PPP1R21: variants seen among roughly 807,000 people sequenced by gnomAD.
The protein encoded by PPP1R21 is KLRAQ motif containing 1.
In PPP1R21, 85 loss-of-function variants were observed where a neutral mutation model predicts 112.8. The ratio of observed to expected loss-of-function variants is 0.75; its 90% CI spans 0.63 to 0.90. PPP1R21 has a LOEUF of 0.90. Among genes scored for constraint, PPP1R21 ranks in the 40% least tolerant of loss-of-function variants. The pLI is 0.00. For synonymous variants in PPP1R21, 381 were observed against 322.3 expected (o/e 1.18, Z -1.95); for missense variants, 1,199 against 901.5 (o/e 1.33, Z -4.23).
At chr2:48,513,142 T>C (rs1021148897) in intron 21 of PPP1R21, among the ~76,000 whole-genome samples, 1 of 152,130 alleles carries the variant, frequency 6.6e-6, no homozygotes, top group Non-Finnish European at 1.5e-5. Context: ...ACAGCAAAGC[T>C]CATTGTCCTG....
chr2:48,465,576 A>G lies in PPP1R21; in HGVS notation c.831A>G (p.Thr277=). ...VTALLNFHTY[T]EQRIQIFPVD... ...CTCTTCTAAACTTTCATACCTACAC[A>G]GAACAGAGGATTCAAATTTTTCCTG... is the stretch of plus-strand genomic sequence containing the variant. Residue 277 remains threonine, a synonymous_variant, in exon 9 of 22, where the codon ACA becomes ACG. Transcript: ENST00000294952. The G allele has an allele frequency of 1.9e-6, 3 of 1,614,008 alleles. No individual in the cohort carries two copies. Among genetic ancestry groups the G allele is most frequent in the Non-Finnish European group, 2.5e-6 (3 of 1,179,918 alleles).
At chr2:48,454,793 C>A (rs1294638923) in intron 3 of PPP1R21, 52 bp downstream of exon 3, 5 of 1,375,382 alleles carry the variant, frequency 3.6e-6, no homozygotes, top group Admixed American at 3.5e-5. Flanking sequence ...GTTACTGACA[C>A]CTACAGGGCA....
At position 48,440,826 on chromosome 2, in the gene PPP1R21, C is replaced by A; in HGVS notation, c.-128C>A. On this transcript the variant is annotated 5_prime_UTR_variant, in exon 1 of 22. Transcript: ENST00000294952. ...GGAGGAGGAGGCGCGGCGGCGGCGGCGGCGGCGGCTGCGGTGGCCAAGCAG... is the reference window on the plus strand; with the variant it reads ...GGAGGAGGAGGCGCGGCGGCGGCGGAGGCGGCGGCTGCGGTGGCCAAGCAG... 1.5e-6 allele frequency: 1 copy of A among 681,846 alleles called. No homozygotes were observed. The highest frequency in any genetic ancestry group is 2.5e-6 in the Non-Finnish European group (1 of 395,702). 42.2% of individuals were successfully genotyped at this position (681,846 alleles called of 1,614,324 possible). A position where few individuals can be genotyped will look rare whatever the true frequency, so the allele number is the denominator to read the frequency against.
At chr2:48,491,251 T>G (rs1401740439) in intron 15 of PPP1R21, 81 bp downstream of exon 15, 4 of 1,469,264 alleles carry the variant, frequency 2.7e-6, no homozygotes, top group Admixed American at 4.2e-5. Flanking sequence ...TTTCTGCAGT[T>G]TATATTGTTG....
intron 18 of PPP1R21, among the ~76,000 whole-genome samples, chr2:48,506,632 A>G (rs948491543): frequency 4.6e-5 from 7 of 152,270 alleles, no homozygotes; most frequent in African/African-American, 1.4e-4. Flanking sequence ...CAAACTGTTC[A>G]ATATAGAAAT....
intron 1 of PPP1R21, among the ~76,000 whole-genome samples, chr2:48,448,940 C>G (rs1387363612): frequency 6.6e-6 from 1 of 151,896 alleles, no homozygotes; most frequent in Non-Finnish European, 1.5e-5. Context: ...TGGCTATGTT[C>G]CAATAAAACT....
chr2:48,462,011 C>T lies in PPP1R21; in HGVS notation c.694+779C>T, dbSNP rs534681961. Among the ~76,000 whole-genome samples the T allele has an allele frequency of 3.3e-5, 5 of 152,180 alleles. No individual in the cohort carries two copies. In the South Asian group the frequency reaches 1.0e-3, roughly 32 times the overall value. On this transcript the variant is annotated intron_variant, in intron 7 of 21. Coordinates refer to ENST00000294952, the MANE Select transcript of PPP1R21 (RefSeq NM_001135629.3). ...TTATTGTATCAAAAATTTAAATTCC[C>T]CTTTGAAAATAACACCTGCTTCTAG...
intron 13 of PPP1R21, among the ~76,000 whole-genome samples, chr2:48,482,329 T>C (rs1669050856): frequency 1.3e-5 from 2 of 152,174 alleles, no homozygotes; most frequent in African/African-American, 4.8e-5. Context: ...GGGTGATTTA[T>C]TGGGGTATCT....
Position 48,454,728 on chromosome 2 carries a change from G to A in PPP1R21, c.260G>A (p.Gly87Asp), listed in dbSNP as rs1667640022. 1 of 1,613,904 alleles carries A rather than the reference G, an allele frequency of 6.2e-7. No individual in the cohort carries two copies. The highest frequency in any genetic ancestry group is 8.5e-7 in the Non-Finnish European group (1 of 1,179,824). Residue 87 changes from glycine to aspartate, a missense_variant, in exon 3 of 22, where the codon GGC becomes GAC. Physicochemically the swap from Gly to Asp is moderately conservative, Grantham distance 94 (BLOSUM62 -1). Transcript: ENST00000294952. The part of the protein sequence containing the change: ...QDELALSEPR[G>D]KKNKKSGESS... ...GAACTAGCTCTAAGTGAACCACGAG[G>A]CAAGAAAAACAAGGTAGGTTCAAAT...
At chr2:48,465,377 A>T in intron 8 of PPP1R21, 116 bp from the exon 9 acceptor site, 1 of 987,876 alleles carries the variant, frequency 1.0e-6, no homozygotes, top group Non-Finnish European at 1.4e-6. Context: ...AGATGAATTT[A>T]AAGTAAGGAA....
chr2:48,464,938 A>G lies in PPP1R21; in HGVS notation c.696A>G (p.Lys232=). 3 of 1,566,146 alleles carry G rather than the reference A, an allele frequency of 1.9e-6. No homozygotes were observed. Among genetic ancestry groups the G allele is most frequent in the Non-Finnish European group, 2.6e-6 (3 of 1,164,726 alleles). Residue 232 remains lysine, a splice_region_variant and synonymous_variant, in exon 8 of 22, where the codon AAA becomes AAG. Coordinates refer to ENST00000294952, the MANE Select transcript of PPP1R21 (RefSeq NM_001135629.3). ...ATGTACATTATTTTTCTTCTGTAGA[A>G]TATAGTCAGTACAACGCTCTGAACG... ...INEKVPFNDT[K]YSQYNALNVP...
intron 17 of PPP1R21, among the ~76,000 whole-genome samples, chr2:48,503,671 G>A (rs1238188672): frequency 1.3e-5 from 2 of 152,116 alleles, no homozygotes; most frequent in African/African-American, 4.8e-5. Flanking sequence ...TGCATTGTCG[G>A]GCGCGGTGGC....
Position 48,479,888 on chromosome 2 carries a change from A to C in PPP1R21, c.1226-36A>C, listed in dbSNP as rs1272245327. On this transcript the variant is annotated intron_variant, in intron 12 of 21. Transcript: ENST00000294952. Reference sequence around the variant, plus strand: ...GGATACAATGGGCAGTCCATTTTTCAGGAAAATGCTTAGATTTGTGATTTT... The same window carrying C: ...GGATACAATGGGCAGTCCATTTTTCCGGAAAATGCTTAGATTTGTGATTTT... 10 of 1,321,640 alleles carry C rather than the reference A, an allele frequency of 7.6e-6. No individual in the cohort carries two copies. The South Asian group carries it at 1.2e-4, about 16-fold the overall frequency. The allele number at this position is 1,321,640 out of a possible 1,614,324, so 81.9% of individuals were successfully genotyped here.
intron 1 of PPP1R21, among the ~76,000 whole-genome samples, chr2:48,448,705 A>AAG (rs1667353359): frequency 2.0e-5 from 3 of 152,370 alleles, no homozygotes; most frequent in African/African-American, 7.2e-5. Context: ...CACATTATTC[A>AAG]AGACTATGTT....
chr2:48,491,313 C>A, intron 15 of PPP1R21, 143 bp downstream of exon 15: 1 of 885,732 alleles, frequency 1.1e-6, no homozygotes, highest in Non-Finnish European at 1.7e-6. Context: ...TGGGGGAGGG[C>A]TGTGGGGAAG....
At chr2:48,461,111 G>A (rs1440722170) in intron 6 of PPP1R21, 27 bp from the exon 7 acceptor site, 3 of 1,563,284 alleles carry the variant, frequency 1.9e-6, no homozygotes, top group Non-Finnish European at 1.7e-6. Flanking sequence ...GTGATAATGT[G>A]GTTTTGTATT....
chr2:48,504,241 A>T (rs1670267629), intron 17 of PPP1R21, among the ~76,000 whole-genome samples: 1 of 152,204 alleles, frequency 6.6e-6, no homozygotes, highest in South Asian at 2.1e-4. Context: ...GTTCTTATCA[A>T]AGACTCTTTT....
chr2:48,485,967 T>G (rs74370278), intron 13 of PPP1R21, among the ~76,000 whole-genome samples: 10,712 of 147,852 alleles, frequency 0.072, 553 homozygotes, highest in Non-Finnish European at 0.11. Flanking sequence ...ATATATAGTT[T>G]TATATATTAT....
chr2:48,490,951 T>C lies in PPP1R21; in HGVS notation c.1447-67T>C, dbSNP rs1669535857. The C allele has an allele frequency of 2.9e-6, 4 of 1,383,516 alleles. No individual in the cohort carries two copies. In the South Asian group the frequency reaches 4.8e-5, roughly 17 times the overall value. The allele number at this position is 1,383,516 out of a possible 1,614,324, so 85.7% of individuals were successfully genotyped here. On this transcript the variant is annotated intron_variant, in intron 14 of 21. Coordinates refer to ENST00000294952, the MANE Select transcript of PPP1R21 (RefSeq NM_001135629.3). Reference sequence around the variant, plus strand: ...CATCTTTAAACTTTGCTGCAAAAACTATTAGATATATATTTTAGATATATT... The same window carrying C: ...CATCTTTAAACTTTGCTGCAAAAACCATTAGATATATATTTTAGATATATT...
Sources: gnomAD v4.1 joint callset for allele counts (sites outside exome capture counted in the v4.1 genomes callset) on GRCh38, gnomAD v4.1.1 for gene constraint, MANE v1.5 for transcripts, NCBI Gene and HGNC (gene_info 2026-07-23, HGNC 2026-07-21) for gene names.